Variants in IL1RAPL1 observed in about 807,000 individuals in gnomAD.
IL1RAPL1 encodes the protein interleukin 1 receptor accessory protein like 1.
In IL1RAPL1, 3 loss-of-function variants were observed where a neutral mutation model predicts 48.4. The observed-to-expected ratio is 0.06, with a 90% confidence interval of 0.03 to 0.16. The LOEUF (loss-of-function observed/expected upper bound fraction) is 0.16. IL1RAPL1 is among the 10% of genes least tolerant of loss of function. IL1RAPL1 has a pLI of 1.00. For synonymous variants in IL1RAPL1, 185 were observed against 187.7 expected, an observed-to-expected ratio of 0.99 and a Z score of 0.12; for missense variants, 349 against 530.6, an observed-to-expected ratio of 0.66 and a Z score of 3.36.
intron 1 of IL1RAPL1, among the ~76,000 whole-genome samples, chrX:28,660,086 GGTGTGTGTGTGTGTGTGTGTGTGTGTGT>G (rs60600833): frequency 6.5e-5 from 5 of 76,432 alleles, no homozygotes; most frequent in African/African-American, 9.6e-5. Flanking sequence ...GAGTGAGGAT[GGTGTGTGTGTGTGTGTGTGTGTGTGTGT>G]GTGTGTGTGT....
chrX:28,808,259 G>GA (rs776527748), intron 2 of IL1RAPL1, among the ~76,000 whole-genome samples: 70 of 111,124 alleles, frequency 6.3e-4, no homozygotes, highest in African/African-American at 2.2e-3. Flanking sequence ...TTTGAGTTAA[G>GA]AAAAAACATA....
At chrX:29,228,696 A>G (rs1050258742) in intron 2 of IL1RAPL1, among the ~76,000 whole-genome samples, 3 of 111,682 alleles carry the variant, frequency 2.7e-5, no homozygotes, top group Non-Finnish European at 5.6e-5. Context: ...CTTTTAATCT[A>G]TAGGTTTCTT....
At chrX:28,704,835 A>AAAAAAAAAC (rs1555915430) in intron 1 of IL1RAPL1, among the ~76,000 whole-genome samples, 3 of 99,175 alleles carry the variant, frequency 3.0e-5, no homozygotes, top group African/African-American at 1.2e-4. Flanking sequence ...CACACACAAA[A>AAAAAAAAAC]AAAAAAAAAA....
At chrX:29,888,795 A>G (rs866205078) in intron 6 of IL1RAPL1, among the ~76,000 whole-genome samples, 218 of 111,981 alleles carry the variant, frequency 1.9e-3, no homozygotes, top group African/African-American at 6.3e-3. Flanking sequence ...CTATAATAAA[A>G]CCATAAGAAA....
rs762544460 is a variant in IL1RAPL1, at chrX:28,944,428, T to G, written c.82+155003T>G. Among the ~76,000 whole-genome samples, 4 of 111,210 alleles carry G rather than the reference T, an allele frequency of 3.6e-5. 1 individual carries two copies. Among genetic ancestry groups the G allele is most frequent in the African/African-American group, 1.3e-4 (4 of 30,798 alleles). ...GATCTCATATCCACTGGGTATGCAGTTGAAGTTTAAATGATTTCACAATAC... is the reference window on the plus strand; with the variant it reads ...GATCTCATATCCACTGGGTATGCAGGTGAAGTTTAAATGATTTCACAATAC... On this transcript the variant is annotated intron_variant, in intron 2 of 10. Coordinates refer to ENST00000378993, the MANE Select transcript of IL1RAPL1 (RefSeq NM_014271.4).
chrX:29,066,426 A>G (rs1353578014), intron 2 of IL1RAPL1, among the ~76,000 whole-genome samples: 2 of 111,980 alleles, frequency 1.8e-5, no homozygotes, highest in East Asian at 5.6e-4. Flanking sequence ...TTTGTACTAC[A>G]TTATTTGCCT....
At chrX:28,940,980 TGTTTA>T (rs1478773030) in intron 2 of IL1RAPL1, among the ~76,000 whole-genome samples, 2 of 111,208 alleles carry the variant, frequency 1.8e-5, no homozygotes, top group Non-Finnish European at 3.8e-5. Flanking sequence ...ATATATTTTT[TGTTTA>T]GTTCTTTTTA....
chrX:28,919,104 C>T (rs1266571270), intron 2 of IL1RAPL1, among the ~76,000 whole-genome samples: 2 of 111,704 alleles, frequency 1.8e-5, no homozygotes, highest in Non-Finnish European at 3.8e-5. Flanking sequence ...AGGAACATCA[C>T]ATGTGTTCAA....
At chrX:29,529,556 C>T (rs948290926) in intron 5 of IL1RAPL1, among the ~76,000 whole-genome samples, 9 of 104,392 alleles carry the variant, frequency 8.6e-5, no homozygotes, top group Middle Eastern at 5.1e-3. Context: ...GAGCCGAGAT[C>T]GTGCCACTGC....
At chrX:28,704,058 A>G (rs987398309) in intron 1 of IL1RAPL1, among the ~76,000 whole-genome samples, 2 of 111,690 alleles carry the variant, frequency 1.8e-5, no homozygotes, top group African/African-American at 3.2e-5. Flanking sequence ...ATTATGATCA[A>G]TTCTTTGCAT....
intron 2 of IL1RAPL1, among the ~76,000 whole-genome samples, chrX:29,234,492 T>TA (rs1232855344): frequency 2.7e-5 from 3 of 111,798 alleles, no homozygotes; most frequent in Non-Finnish European, 5.6e-5. Flanking sequence ...GGGTTATAGA[T>TA]AGAGTTTTGT....
intron 6 of IL1RAPL1, among the ~76,000 whole-genome samples, chrX:29,693,512 C>T (rs1199371575): frequency 8.9e-6 from 1 of 112,448 alleles, no homozygotes; most frequent in African/African-American, 3.2e-5. Flanking sequence ...TGATAGCCTG[C>T]ATGTGACTTT....
chrX:28,875,951 G>A (rs1214156233), intron 2 of IL1RAPL1, among the ~76,000 whole-genome samples: 1 of 111,291 alleles, frequency 9.0e-6, no homozygotes, highest in Non-Finnish European at 1.9e-5. Context: ...TTAAGAACTG[G>A]TTGTTAAAAA....
chrX:28,740,714 G>A (rs1171494371), intron 1 of IL1RAPL1, among the ~76,000 whole-genome samples: 1 of 111,334 alleles, frequency 9.0e-6, no homozygotes, highest in Non-Finnish European at 1.9e-5. Context: ...TGTACTCAAT[G>A]TTTAGCTCCC....
intron 6 of IL1RAPL1, among the ~76,000 whole-genome samples, chrX:29,724,204 A>G (rs894513407): frequency 2.7e-5 from 3 of 111,455 alleles, no homozygotes; most frequent in African/African-American, 9.8e-5. Flanking sequence ...CAAATAAAAC[A>G]TAGCTCTTCG....
chrX:29,127,975 A>T lies in IL1RAPL1; in HGVS notation c.83-154963A>T, dbSNP rs34853753. ...TGAGACTCGATCTAAAAAAAAAAAA[A>T]AAATATTAACATGGCCAAATTGGAT... On this transcript the variant is annotated intron_variant, in intron 2 of 10. Transcript: ENST00000378993. 8.9e-4 allele frequency among the ~76,000 whole-genome samples: 97 copies of T among 109,524 alleles called. 4 individuals are homozygous for T. In the East Asian group the frequency reaches 0.028, roughly 31 times the overall value.
chrX:29,858,917 G>GTAT (rs10701306), intron 6 of IL1RAPL1, among the ~76,000 whole-genome samples: 3,446 of 110,855 alleles, frequency 0.031, 156 homozygotes, highest in African/African-American at 0.11. Flanking sequence ...TCCTAAGTGG[G>GTAT]TATTTTTCAC....
At chrX:29,477,306 T>C (rs1462253051) in intron 5 of IL1RAPL1, among the ~76,000 whole-genome samples, 3 of 112,032 alleles carry the variant, frequency 2.7e-5, no homozygotes, top group Non-Finnish European at 5.6e-5. Flanking sequence ...ATATTTTTAC[T>C]ATTAAGACTA....
At chrX:29,562,826 A>AT (rs1922280992) in intron 5 of IL1RAPL1, among the ~76,000 whole-genome samples, 2 of 111,996 alleles carry the variant, frequency 1.8e-5, no homozygotes, top group Non-Finnish European at 3.8e-5. Context: ...AATCATAAAA[A>AT]CAGATAAAAA....
Sources: allele counts gnomAD v4.1 joint callset (sites outside exome capture counted in the v4.1 genomes callset), GRCh38; gene constraint gnomAD v4.1.1; transcripts MANE v1.5; gene names NCBI Gene and HGNC (gene_info 2026-07-23, HGNC 2026-07-21).